The following NCAM2 variants were observed in gnomAD, a reference collection of about 807,000 sequenced individuals.
NCAM2 encodes N-CAM-2.
In NCAM2, 30 loss-of-function variants were observed where a neutral mutation model predicts 98.1. The ratio of observed to expected loss-of-function variants is 0.31; its 90% CI spans 0.23 to 0.41. NCAM2 has a LOEUF of 0.41. Among genes scored for constraint, NCAM2 ranks in the 10% least tolerant of loss-of-function variants. The pLI is 1.00. For missense variants in NCAM2, 867 were observed against 1,005.8 expected, an observed-to-expected ratio of 0.86 and a Z score of 1.87; for synonymous variants, 368 against 342.4, an observed-to-expected ratio of 1.07 and a Z score of -0.83.
chr21:21,162,462 T>C (rs1048552774), intron 1 of NCAM2, among the ~76,000 whole-genome samples: 5 of 152,126 alleles, frequency 3.3e-5, no homozygotes, highest in African/African-American at 1.2e-4. Flanking sequence ...TAAAACTTTG[T>C]TTAAATACCA....
At chr21:21,029,365 A>C (rs2086519372) in intron 1 of NCAM2, among the ~76,000 whole-genome samples, 1 of 152,178 alleles carries the variant, frequency 6.6e-6, no homozygotes, top group Non-Finnish European at 1.5e-5. Flanking sequence ...TCATGTTGCT[A>C]GTGTGCTATT....
intron 16 of NCAM2, among the ~76,000 whole-genome samples, chr21:21,524,766 A>G (rs1037223414): frequency 1.3e-5 from 2 of 152,110 alleles, no homozygotes; most frequent in Admixed American, 1.3e-4. Context: ...ACCCTAGGTC[A>G]TATGACACAC....
Position 20,998,614 on chromosome 21 carries a change from G to A in NCAM2, c.51G>A (p.Gly17=). Residue 17 remains glycine, a synonymous_variant, in exon 1 of 18, where the codon GGG becomes GGA. Transcript: ENST00000400546. ...TGCTGGGGTTGCTTGTCAGTAGCGGGCAAGGTAGGAGTGTGGCGCTTTATT... is the reference window on the plus strand; with the variant it reads ...TGCTGGGGTTGCTTGTCAGTAGCGGACAAGGTAGGAGTGTGGCGCTTTATT... ...FYLLGLLVSS[G]QALLQVTISL... 1.2e-6 allele frequency: 2 copies of A among 1,614,064 alleles called. No individual in the cohort carries two copies. The highest frequency in any genetic ancestry group is 1.7e-6 in the Non-Finnish European group (2 of 1,179,944).
chr21:21,201,082 T>C (rs1200915739), intron 1 of NCAM2, among the ~76,000 whole-genome samples: 2 of 152,166 alleles, frequency 1.3e-5, no homozygotes, highest in Middle Eastern at 3.2e-3. Flanking sequence ...AGACTACTGA[T>C]ACTTCCTAAT....
chr21:21,112,053 TAGAC>T, intron 1 of NCAM2, among the ~76,000 whole-genome samples: 1 of 152,346 alleles, frequency 6.6e-6, no homozygotes, highest in African/African-American at 2.4e-5. Context: ...TAAATGACTG[TAGAC>T]ATTCTCTTAT....
In NCAM2 at chr21:21,542,381, TTTA is replaced by T. The variant is rs1165176313; in HGVS notation, c.*4428_*4430del. On this transcript the variant is annotated 3_prime_UTR_variant, in exon 18 of 18. Coordinates refer to ENST00000400546, the MANE Select transcript of NCAM2 (RefSeq NM_004540.5). ...TAACACAATATTCTTAGAAAAATAG[TTTA>T]TTACTTTAGGATTTTATCTATAACA... is the stretch of plus-strand genomic sequence containing the variant. 6.6e-6 allele frequency: 1 copy of T among 151,744 alleles called. No homozygotes were observed. The highest frequency in any genetic ancestry group is 1.5e-5 in the Non-Finnish European group (1 of 67,814). 9.4% of individuals were successfully genotyped at this position (151,744 alleles called of 1,614,324 possible).
chr21:21,409,631 A>C (rs899335391), intron 9 of NCAM2, among the ~76,000 whole-genome samples: 8 of 152,198 alleles, frequency 5.3e-5, no homozygotes, highest in African/African-American at 1.9e-4. Flanking sequence ...TAGTTTCTAC[A>C]CAAGTAGATA....
At chr21:21,406,174 A>G (rs2076734560) in intron 9 of NCAM2, among the ~76,000 whole-genome samples, 1 of 152,192 alleles carries the variant, frequency 6.6e-6, no homozygotes, top group South Asian at 2.1e-4. Flanking sequence ...AGACTATTGC[A>G]ATAGAAGAGA....
At chr21:21,164,985 C>G (rs796899180) in intron 1 of NCAM2, among the ~76,000 whole-genome samples, 7 of 152,196 alleles carry the variant, frequency 4.6e-5, no homozygotes, top group South Asian at 2.1e-4. Context: ...ATCTTAAATG[C>G]ACTGTTGTAT....
chr21:21,173,526 A>T (rs561815150), intron 1 of NCAM2, among the ~76,000 whole-genome samples: 1 of 152,322 alleles, frequency 6.6e-6, no homozygotes, highest in South Asian at 2.1e-4. Context: ...AGAGTAGTGA[A>T]TGACCATGAG....
At chr21:21,078,547 C>T (rs776236173) in intron 1 of NCAM2, among the ~76,000 whole-genome samples, 4 of 152,052 alleles carry the variant, frequency 2.6e-5, no homozygotes, top group Non-Finnish European at 5.9e-5. Flanking sequence ...CAGATGCTGG[C>T]GAGACTGTGG....
chr21:21,533,244 A>G (rs1393924667), intron 16 of NCAM2, among the ~76,000 whole-genome samples: 2 of 144,640 alleles, frequency 1.4e-5, no homozygotes, highest in African/African-American at 2.6e-5. Flanking sequence ...CATTATGATA[A>G]GAAACATAAC....
intron 5 of NCAM2, among the ~76,000 whole-genome samples, chr21:21,318,342 T>C (rs2147764988): frequency 6.6e-6 from 1 of 152,272 alleles, no homozygotes; most frequent in East Asian, 1.9e-4. Context: ...TTTATTTAAT[T>C]ATTATCTCAT....
intron 8 of NCAM2, among the ~76,000 whole-genome samples, chr21:21,362,095 T>G (rs775127935): frequency 2.0e-4 from 30 of 152,182 alleles, no homozygotes; most frequent in Non-Finnish European, 3.7e-4. Context: ...CCATTGTTAC[T>G]TGCCTGCGTT....
intron 12 of NCAM2, among the ~76,000 whole-genome samples, chr21:21,459,416 A>T (rs1982624374): frequency 6.8e-6 from 1 of 147,658 alleles, no homozygotes. Context: ...AAATATGTAT[A>T]TACACACACA....
intron 1 of NCAM2, among the ~76,000 whole-genome samples, chr21:21,194,510 A>T (rs1466026709): frequency 6.6e-6 from 1 of 152,140 alleles, no homozygotes; most frequent in Non-Finnish European, 1.5e-5. Context: ...AGTAAGGGGC[A>T]AACACATTAT....
chr21:21,293,808 T>A (rs747031817), intron 5 of NCAM2, among the ~76,000 whole-genome samples: 2 of 151,790 alleles, frequency 1.3e-5, no homozygotes, highest in Non-Finnish European at 2.9e-5. Context: ...TGATGAAATA[T>A]GTAAGTGTAT....
rs533844977 is a variant in NCAM2 at position 21,512,076 on chromosome 21, T to G, written c.2282+3021T>G. On this transcript the variant is annotated intron_variant, in intron 16 of 17. Transcript: ENST00000400546. ...ACTTCACTTTGTTAATTGTTTCCTT[T>G]AGTGTTCAGAAGTTTTTCAGCTTGG... Among the ~76,000 whole-genome samples the G allele has an allele frequency of 2.6e-3, 395 of 152,134 alleles. 3 individuals carry two copies. The highest frequency in any genetic ancestry group is 9.0e-3 in the African/African-American group (376 of 41,556).
At chr21:21,325,556 T>C (rs2074489960) in intron 6 of NCAM2, among the ~76,000 whole-genome samples, 1 of 152,180 alleles carries the variant, frequency 6.6e-6, no homozygotes, top group Non-Finnish European at 1.5e-5. Flanking sequence ...TTAGTAGGAT[T>C]ACACCTTGAA....
Sources: allele counts gnomAD v4.1 joint callset (sites outside exome capture counted in the v4.1 genomes callset), GRCh38; gene constraint gnomAD v4.1.1; transcripts MANE v1.5; gene names NCBI Gene and HGNC (gene_info 2026-07-23, HGNC 2026-07-21).